Variants in RAB31 observed in about 807,000 individuals in gnomAD.
RAB31 encodes RAB31, member RAS oncogene family.
Under a neutral mutation model 25.6 loss-of-function variants are expected in RAB31, and 21 were observed. That is an observed-to-expected ratio of 0.82 (90% confidence interval 0.58 to 1.18). The LOEUF is 1.18. Ranked by LOEUF, RAB31 falls within the 50% of genes most tolerant of loss-of-function variation. RAB31 has a pLI of 0.00. For missense variants in RAB31, 196 were observed against 250.1 expected (o/e 0.78, Z 1.46); for synonymous variants, 87 against 84.0 (o/e 1.04, Z -0.20).
chr18:9,743,026 G>T (rs1349333187), intron 1 of RAB31, among the ~76,000 whole-genome samples: 2 of 152,196 alleles, frequency 1.3e-5, no homozygotes, highest in African/African-American at 2.4e-5. Flanking sequence ...AGCAAACATG[G>T]TTTGGACTTG....
intron 1 of RAB31, among the ~76,000 whole-genome samples, chr18:9,767,814 C>T (rs751891840): frequency 1.3e-5 from 2 of 152,100 alleles, no homozygotes; most frequent in Non-Finnish European, 2.9e-5. Context: ...TGGTTTGCTG[C>T]ACCCATCAAT....
chr18:9,711,170 TTCTCTC>T (rs111627591), intron 1 of RAB31, among the ~76,000 whole-genome samples: 3 of 150,424 alleles, frequency 2.0e-5, no homozygotes, highest in Non-Finnish European at 4.4e-5. Flanking sequence ...GTTTACTCTC[TTCTCTC>T]TCTCTCTCTC....
rs115371966 is a variant in RAB31, at chr18:9,740,395, T to G, written c.39+31951T>G. Among the ~76,000 whole-genome samples, 1,459 of 152,334 alleles carry G rather than the reference T, an allele frequency of 9.6e-3. 25 individuals carry two copies. Among genetic ancestry groups the G allele is most frequent in the African/African-American group, 0.032 (1,347 of 41,576 alleles). On this transcript the variant is annotated intron_variant, in intron 1 of 6. Transcript: ENST00000578921. Reference sequence around the variant, plus strand: ...ATGACACCTCTTTACAGTAAAGTTATTTATACTTCTCCAAATGCAAAATTT... The same window carrying G: ...ATGACACCTCTTTACAGTAAAGTTAGTTATACTTCTCCAAATGCAAAATTT...
intron 1 of RAB31, among the ~76,000 whole-genome samples, chr18:9,727,842 G>GT (rs2068102991): frequency 6.6e-6 from 1 of 152,100 alleles, no homozygotes; most frequent in South Asian, 2.1e-4. Context: ...GCAATATGAT[G>GT]TTTTGATTGT....
At chr18:9,858,916 G>A (rs2068832710) in intron 6 of RAB31, among the ~76,000 whole-genome samples, 1 of 152,132 alleles carries the variant, frequency 6.6e-6, no homozygotes, top group Non-Finnish European at 1.5e-5. Flanking sequence ...GATGAGCGGA[G>A]GCTGGATGGG....
Position 9,749,208 on chromosome 18 carries a change from T to C in RAB31, c.40-26070T>C, listed in dbSNP as rs544899141. On this transcript the variant is annotated intron_variant, in intron 1 of 6. Coordinates refer to ENST00000578921, the MANE Select transcript of RAB31 (RefSeq NM_006868.4). ...CATTTAAGTGGCTGCATCATCACGA[T>C]AATAATCAGCACTTATTGAACATTT... Among the ~76,000 whole-genome samples, 18 of 152,342 alleles carry C rather than the reference T, an allele frequency of 1.2e-4. No homozygotes were observed. In the East Asian group the frequency reaches 3.1e-3, roughly 26 times the overall value.
intron 3 of RAB31, among the ~76,000 whole-genome samples, chr18:9,806,403 G>A (rs549038614): frequency 1.3e-5 from 2 of 152,146 alleles, no homozygotes; most frequent in Non-Finnish European, 2.9e-5. Context: ...GTTGATTAAA[G>A]GTGTGACAGA....
At chr18:9,744,306 A>T (rs909997657) in intron 1 of RAB31, among the ~76,000 whole-genome samples, 1 of 152,228 alleles carries the variant, frequency 6.6e-6, no homozygotes, top group Non-Finnish European at 1.5e-5. Context: ...ACATGCAAAA[A>T]TGTCTGTTAG....
intron 1 of RAB31, among the ~76,000 whole-genome samples, chr18:9,712,035 C>T (rs116638528): frequency 7.2e-5 from 11 of 152,156 alleles, no homozygotes; most frequent in South Asian, 2.1e-4. Flanking sequence ...TACCTCCTGA[C>T]GTTAGAGTCA....
chr18:9,788,253 A>T (rs185806945), intron 2 of RAB31, among the ~76,000 whole-genome samples: 1 of 152,350 alleles, frequency 6.6e-6, no homozygotes. Context: ...GACATCTCTA[A>T]AAAGAAGACA....
At chr18:9,857,814 G>A (rs2068826603) in intron 6 of RAB31, among the ~76,000 whole-genome samples, 1 of 151,556 alleles carries the variant, frequency 6.6e-6, no homozygotes, top group East Asian at 1.9e-4. Context: ...GATCACTTGA[G>A]GCCAGGAGTT....
At chr18:9,804,165 C>T (rs1253808479) in intron 3 of RAB31, among the ~76,000 whole-genome samples, 1 of 152,182 alleles carries the variant, frequency 6.6e-6, no homozygotes, top group African/African-American at 2.4e-5. Flanking sequence ...CTGCTCTTGC[C>T]CCTCGGGGGT....
intron 3 of RAB31, 52 bp downstream of exon 3, chr18:9,792,287 A>G (rs1295589411): frequency 7.1e-6 from 11 of 1,559,458 alleles, no homozygotes; most frequent in Non-Finnish European, 8.7e-6. Flanking sequence ...AAATAAGATC[A>G]GTTTCTGAAG....
chr18:9,783,620 G>GA (rs1271301687), intron 2 of RAB31, among the ~76,000 whole-genome samples: 1 of 151,980 alleles, frequency 6.6e-6, no homozygotes, highest in Non-Finnish European at 1.5e-5. Context: ...TGAGTTTATG[G>GA]AAAAAATCTA....
intron 1 of RAB31, among the ~76,000 whole-genome samples, chr18:9,739,302 G>A (rs141036980): frequency 7.6e-4 from 115 of 152,218 alleles, no homozygotes; most frequent in African/African-American, 2.3e-3. Context: ...GTGAAACTCC[G>A]TCTCTACTAA....
At position 9,756,437 on chromosome 18, in the gene RAB31, T is replaced by C. The variant is rs566604797; in HGVS notation, c.40-18841T>C. On this transcript the variant is annotated intron_variant, in intron 1 of 6. Transcript: ENST00000578921. ...GCAAGTGTGCATATATCTCATTTGA[T>C]TAAATCACATCTGTTGTAATCTAGT... Among the ~76,000 whole-genome samples the C allele has an allele frequency of 6.2e-4, 95 of 152,348 alleles. 2 individuals are homozygous for C. In the South Asian group the frequency reaches 0.019, roughly 31 times the overall value.
intron 1 of RAB31, among the ~76,000 whole-genome samples, chr18:9,769,482 T>G (rs1186439419): frequency 6.6e-6 from 1 of 152,218 alleles, no homozygotes; most frequent in Non-Finnish European, 1.5e-5. Flanking sequence ...TCATTCATGA[T>G]TTGGCTCTCT....
intron 5 of RAB31, among the ~76,000 whole-genome samples, chr18:9,816,771 C>T (rs532676051): frequency 2.6e-5 from 4 of 152,256 alleles, no homozygotes; most frequent in South Asian, 2.1e-4. Context: ...AAGGAAATAG[C>T]GAATTTGTGG....
chr18:9,748,132 A>G (rs1243212683), intron 1 of RAB31, among the ~76,000 whole-genome samples: 1 of 152,194 alleles, frequency 6.6e-6, no homozygotes. Flanking sequence ...AGGTGAGGTG[A>G]TTAGGTGATG....
Sources: gnomAD v4.1 joint callset for allele counts (sites outside exome capture counted in the v4.1 genomes callset) on GRCh38, gnomAD v4.1.1 for gene constraint, MANE v1.5 for transcripts, NCBI Gene and HGNC (gene_info 2026-07-23, HGNC 2026-07-21) for gene names.